The following KCNH7 variants were observed in gnomAD, a reference collection of about 807,000 sequenced individuals.
KCNH7 encodes the protein potassium voltage-gated channel subfamily H member 7.
KCNH7 carries 49 observed loss-of-function variants against 120.8 expected under a neutral mutation model. The observed-to-expected ratio is 0.41, with a 90% CI of 0.32 to 0.51. The LOEUF (loss-of-function observed/expected upper bound fraction) is 0.51. Among genes scored for constraint, KCNH7 ranks in the 20% least tolerant of loss-of-function variants. The pLI is 0.38. For synonymous variants in KCNH7, 547 were observed against 516.1 expected (o/e 1.06, Z -0.81); for missense variants, 1,097 against 1,446.6 (o/e 0.76, Z 3.92).
At chr2:162,457,553 A>C (rs1412385238) in intron 6 of KCNH7, among the ~76,000 whole-genome samples, 1 of 152,178 alleles carries the variant, frequency 6.6e-6, no homozygotes, top group Admixed American at 6.6e-5. Context: ...AAACAGAACT[A>C]TTTATTCAAT....
rs1355376490 is a variant in KCNH7 at position 162,396,722 on chromosome 2, C to T, written c.2613+18G>A. On this transcript the variant is annotated intron_variant, in intron 11 of 15. Coordinates refer to ENST00000332142, the MANE Select transcript of KCNH7 (RefSeq NM_033272.4). ...AAAATGTCAGAAATACAGACATAAG[C>T]AAACAGTTAACATATACCTTTGCGC... is the stretch of plus-strand genomic sequence containing the variant. The T allele has an allele frequency of 1.3e-6, 2 of 1,561,292 alleles. No homozygotes were observed. Among genetic ancestry groups the T allele is most frequent in the Admixed American group, 1.7e-5 (1 of 57,832 alleles).
intron 2 of KCNH7, among the ~76,000 whole-genome samples, chr2:162,673,054 T>C (rs1203451139): frequency 6.6e-6 from 1 of 152,052 alleles, no homozygotes; most frequent in African/African-American, 2.4e-5. Flanking sequence ...ATCAATACTT[T>C]ATAATAGTTC....
chr2:162,518,192 A>C (rs770056777), intron 3 of KCNH7, 34 bp from the exon 4 acceptor site: 1 of 1,483,120 alleles, frequency 6.7e-7, no homozygotes, highest in Non-Finnish European at 9.3e-7. Flanking sequence ...CATTATTATA[A>C]GGCAAATGAT....
At chr2:162,693,919 A>T (rs1686200357) in intron 2 of KCNH7, among the ~76,000 whole-genome samples, 1 of 152,204 alleles carries the variant, frequency 6.6e-6, no homozygotes, top group East Asian at 1.9e-4. Context: ...TATATTATGG[A>T]TAGAAGAAAC....
At chr2:162,389,547 G>A (rs1166392136) in intron 12 of KCNH7, among the ~76,000 whole-genome samples, 1 of 151,972 alleles carries the variant, frequency 6.6e-6, no homozygotes, top group Admixed American at 6.6e-5. Context: ...GATGAGGAAC[G>A]GGAGGCAGAG....
chr2:162,537,258 A>C (rs1249118524), intron 2 of KCNH7, among the ~76,000 whole-genome samples, 178 bp from the exon 3 acceptor site: 1 of 152,084 alleles, frequency 6.6e-6, no homozygotes, highest in Non-Finnish European at 1.5e-5. Flanking sequence ...CATTTAAAAT[A>C]CATATGTCTT....
chr2:162,558,949 G>C (rs1234850671), intron 2 of KCNH7, among the ~76,000 whole-genome samples: 1 of 150,962 alleles, frequency 6.6e-6, no homozygotes, highest in Non-Finnish European at 1.5e-5. Context: ...CAGCTACTCG[G>C]GAGGCTGAGG....
At chr2:162,379,178 T>A (rs771228029) in intron 14 of KCNH7, among the ~76,000 whole-genome samples, 1 of 152,210 alleles carries the variant, frequency 6.6e-6, no homozygotes, top group African/African-American at 2.4e-5. Flanking sequence ...ACTAAAAGGC[T>A]ACTATTGGAT....
At chr2:162,464,618 A>T (rs1398266528) in intron 6 of KCNH7, among the ~76,000 whole-genome samples, 5 of 152,048 alleles carry the variant, frequency 3.3e-5, no homozygotes, top group Non-Finnish European at 7.4e-5. Flanking sequence ...TAGATAAAAT[A>T]TGCCAGTTTT....
chr2:162,775,805 T>C (rs1418061129), intron 2 of KCNH7, among the ~76,000 whole-genome samples: 2 of 152,216 alleles, frequency 1.3e-5, no homozygotes, highest in African/African-American at 4.8e-5. Flanking sequence ...ACTTGCTCTA[T>C]ACTGTGTAGA....
At chr2:162,559,829 G>A (rs543104050) in intron 2 of KCNH7, among the ~76,000 whole-genome samples, 2 of 152,168 alleles carry the variant, frequency 1.3e-5, no homozygotes, top group South Asian at 4.1e-4. Context: ...AGGTGGCTGT[G>A]TGCCTGAAGT....
intron 2 of KCNH7, among the ~76,000 whole-genome samples, chr2:162,652,627 G>A (rs1468274438): frequency 6.6e-6 from 1 of 152,146 alleles, no homozygotes; most frequent in African/African-American, 2.4e-5. Flanking sequence ...CAGAGCTCAG[G>A]CAGTAATGGT....
chr2:162,428,017 C>A (rs965678420), intron 8 of KCNH7, among the ~76,000 whole-genome samples: 1 of 151,548 alleles, frequency 6.6e-6, no homozygotes, highest in Admixed American at 6.6e-5. Context: ...GCTCTTATAT[C>A]TATTATTTCT....
chr2:162,665,783 T>C (rs927324197), intron 2 of KCNH7, among the ~76,000 whole-genome samples: 19 of 152,180 alleles, frequency 1.2e-4, no homozygotes, highest in Admixed American at 1.0e-3. Context: ...TTCTTTAGTC[T>C]AATTAAATTC....
intron 2 of KCNH7, among the ~76,000 whole-genome samples, chr2:162,738,405 A>T (rs1213767920): frequency 6.6e-6 from 1 of 152,178 alleles, no homozygotes; most frequent in Non-Finnish European, 1.5e-5. Context: ...TTATACATTA[A>T]GATCGTCACT....
intron 6 of KCNH7, among the ~76,000 whole-genome samples, chr2:162,452,725 C>G (rs1307106163): frequency 1.3e-5 from 2 of 152,050 alleles, no homozygotes; most frequent in Non-Finnish European, 2.9e-5. Context: ...AATACTTTTA[C>G]TTTGCTAGAG....
intron 2 of KCNH7, among the ~76,000 whole-genome samples, chr2:162,587,699 G>A (rs986047360): frequency 2.6e-5 from 4 of 151,676 alleles, no homozygotes; most frequent in African/African-American, 9.7e-5. Context: ...TGTGTGCAAT[G>A]GTAAAAAGCA....
intron 2 of KCNH7, among the ~76,000 whole-genome samples, chr2:162,759,327 G>T (rs1194399160): frequency 6.6e-6 from 1 of 151,946 alleles, no homozygotes; most frequent in Non-Finnish European, 1.5e-5. Context: ...CCTAGCCTAG[G>T]GACTAATAGC....
chr2:162,715,561 C>T (rs1330939911), intron 2 of KCNH7, among the ~76,000 whole-genome samples: 1 of 152,140 alleles, frequency 6.6e-6, no homozygotes, highest in East Asian at 1.9e-4. Flanking sequence ...CTTCTTTGAA[C>T]AAGATGTTGG....
Sources: gnomAD v4.1 joint callset for allele counts (sites outside exome capture counted in the v4.1 genomes callset) on GRCh38, gnomAD v4.1.1 for gene constraint, MANE v1.5 for transcripts, NCBI Gene and HGNC (gene_info 2026-07-23, HGNC 2026-07-21) for gene names.